Variants in METTL14 observed in about 807,000 individuals in gnomAD.
METTL14 encodes N(6)-adenosine-methyltransferase non-catalytic subunit METTL14.
METTL14 carries 32 observed loss-of-function variants against 62.4 expected under a neutral mutation model. The ratio of observed to expected loss-of-function variants is 0.51; its 90% CI spans 0.39 to 0.69. The LOEUF is 0.69. Ranked by LOEUF, METTL14 falls within the 30% of genes least tolerant of loss-of-function variation. METTL14 has a pLI of 0.00. For synonymous variants in METTL14, 150 were observed against 180.0 expected (o/e 0.83, Z 1.34); for missense variants, 340 against 551.9 (o/e 0.62, Z 3.85).
chr4:118,687,903 C>T lies in METTL14; in HGVS notation c.67-20C>T. ...TATCCAGTGCATTGCAATCTAATTT[C>T]TGATTTTGTCTTTTCTCAGTTGGGA... On this transcript the variant is annotated intron_variant, in intron 1 of 10. Coordinates refer to ENST00000388822, the MANE Select transcript of METTL14 (RefSeq NM_020961.4). 1 of 1,608,848 alleles carries T rather than the reference C, an allele frequency of 6.2e-7. No individual in the cohort carries two copies. Among genetic ancestry groups the T allele is most frequent in the African/African-American group, 1.3e-5 (1 of 74,706 alleles).
In METTL14 at chr4:118,705,716, A is replaced by G; in HGVS notation, c.961A>G (p.Ile321Val). 1 of 1,614,120 alleles carries G rather than the reference A, an allele frequency of 6.2e-7. No individual in the cohort carries two copies. The highest frequency in any genetic ancestry group is 8.5e-7 in the Non-Finnish European group (1 of 1,179,956). The change falls in exon 10 of 11, where the codon ATT becomes GTT. Residue 321 changes from isoleucine to valine, a missense_variant. This residue lies in a region of METTL14 where 62 missense variants were observed against 82.3 expected (regional missense o/e 0.75). Coordinates refer to ENST00000388822, the MANE Select transcript of METTL14 (RefSeq NM_020961.4). ...CTTAATTATCACAGAAGAACCTGAA[A>G]TTGGCAATATAGAAAAACCTGTAGA... is the stretch of plus-strand genomic sequence containing the variant. ...IDLIITEEPEIGNIEKPVEIF... is the reference protein window; with the variant it reads ...IDLIITEEPEVGNIEKPVEIF...
At position 118,689,648 on chromosome 4, in the gene METTL14, CT is replaced by C. The variant is rs70941199; in HGVS notation, c.243+204del. On this transcript the variant is annotated intron_variant, in intron 3 of 10. Coordinates refer to ENST00000388822, the MANE Select transcript of METTL14 (RefSeq NM_020961.4). ...TTTCTTATCTTTTTCTTTTCTTTTC[CT>C]TTTTTTTTTTTTGTGACGGAGTCTC... 2.2e-3 allele frequency among the ~76,000 whole-genome samples: 323 copies of C among 143,576 alleles called. 1 individual carries two copies. Among genetic ancestry groups the C allele is most frequent in the African/African-American group, 5.4e-3 (213 of 39,382 alleles). The allele number at this position is 143,576 out of a possible 152,430, so 94.2% of individuals were successfully genotyped here. A position where few individuals can be genotyped will look rare whatever the true frequency, so the allele number is the denominator to read the frequency against.
At position 118,711,588 on chromosome 4, in the gene METTL14, A is replaced by G. The variant is rs1375170165; in HGVS notation, c.*1286A>G. ...GCTCATATATACCTAAGATGAGATT[A>G]TATTACATCCACCAAAGACTCAGTT... is the stretch of plus-strand genomic sequence containing the variant. On this transcript the variant is annotated 3_prime_UTR_variant, in exon 11 of 11. Coordinates refer to ENST00000388822, the MANE Select transcript of METTL14 (RefSeq NM_020961.4). The G allele has an allele frequency of 6.6e-6, 1 of 152,196 alleles. No homozygotes were observed. The highest frequency in any genetic ancestry group is 1.5e-5 in the Non-Finnish European group (1 of 68,030). The allele number at this position is 152,196 out of a possible 1,614,324, so 9.4% of individuals were successfully genotyped here.
At chr4:118,703,202 C>T (rs1003669998) in intron 8 of METTL14, among the ~76,000 whole-genome samples, 3 of 152,024 alleles carry the variant, frequency 2.0e-5, no homozygotes, top group African/African-American at 7.2e-5. Context: ...CTCCTTTACT[C>T]TTAAAGTTGA....
rs1560874460 is a variant in METTL14, at chr4:118,685,401, C to T, written c.-134C>T. Reference sequence around the variant, plus strand: ...ATTCCGGCCGCGCCGGAAGTCTCTACTGAGGAAAGCTATGAGGATACTCTG... The same window carrying T: ...ATTCCGGCCGCGCCGGAAGTCTCTATTGAGGAAAGCTATGAGGATACTCTG... On this transcript the variant is annotated 5_prime_UTR_variant, in exon 1 of 11. Coordinates refer to ENST00000388822, the MANE Select transcript of METTL14 (RefSeq NM_020961.4). 3 of 895,092 alleles carry T rather than the reference C, an allele frequency of 3.4e-6. No individual in the cohort carries two copies. Among genetic ancestry groups the T allele is most frequent in the African/African-American group, 1.7e-5 (1 of 60,536 alleles). 55.4% of individuals were successfully genotyped at this position (895,092 alleles called of 1,614,324 possible).
chr4:118,705,151 T>C lies in METTL14; in HGVS notation c.856-460T>C, dbSNP rs553654558. Reference sequence around the variant, plus strand: ...ATGGCAGTCTTTCCTCATCCAGAGATCCAGGTTTTCCTGTTGTTTTGTTGC... The same window carrying C: ...ATGGCAGTCTTTCCTCATCCAGAGACCCAGGTTTTCCTGTTGTTTTGTTGC... On this transcript the variant is annotated intron_variant, in intron 9 of 10. Transcript: ENST00000388822. Among the ~76,000 whole-genome samples the C allele has an allele frequency of 2.6e-5, 4 of 152,166 alleles. No individual in the cohort carries two copies. The South Asian group carries it at 8.3e-4, about 32-fold the overall frequency.
At chr4:118,695,212 T>G (rs1371248236) in intron 6 of METTL14, among the ~76,000 whole-genome samples, 1 of 152,102 alleles carries the variant, frequency 6.6e-6, no homozygotes, top group African/African-American at 2.4e-5. Flanking sequence ...TTTCAGCTTT[T>G]CAGATAATTT....
Position 118,714,353 on chromosome 4 carries a change from T to C in METTL14, c.*4051T>C, listed in dbSNP as rs1331399176. ...GCCACTGACTCTTGGTCTCAGGCCA[T>C]AGCAACTATAGAGAGAAGAGTGGGG... On this transcript the variant is annotated 3_prime_UTR_variant, in exon 11 of 11. Coordinates refer to ENST00000388822, the MANE Select transcript of METTL14 (RefSeq NM_020961.4). 1 of 152,220 alleles carries C rather than the reference T, an allele frequency of 6.6e-6. No homozygotes were observed. The highest frequency in any genetic ancestry group is 1.9e-4 in the East Asian group (1 of 5,194). 9.4% of individuals were successfully genotyped at this position (152,220 alleles called of 1,614,324 possible).
At position 118,712,288 on chromosome 4, in the gene METTL14, T is replaced by C. The variant is rs1379626291; in HGVS notation, c.*1986T>C. The C allele has an allele frequency of 6.6e-6, 1 of 152,196 alleles. No homozygotes were observed. The highest frequency in any genetic ancestry group is 1.5e-5 in the Non-Finnish European group (1 of 68,030). The allele number at this position is 152,196 out of a possible 1,614,324, so 9.4% of individuals were successfully genotyped here. A position where few individuals can be genotyped will look rare whatever the true frequency, so the allele number is the denominator to read the frequency against. The stretch of plus-strand genomic sequence containing the variant: ...TACTCTGACCTCTTCTAATTTTTGG[T>C]CTTCTTTATATTTACATGTCTTACA... On this transcript the variant is annotated 3_prime_UTR_variant, in exon 11 of 11. Transcript: ENST00000388822.
Position 118,697,215 on chromosome 4 carries a change from C to T in METTL14, c.537C>T (p.Ile179=). 6.2e-7 allele frequency: 1 copy of T among 1,611,240 alleles called. No individual in the cohort carries two copies. Among genetic ancestry groups the T allele is most frequent in the Non-Finnish European group, 8.5e-7 (1 of 1,178,818 alleles). ...AAGCCGATATAGAAGCCTTTGACAT[C>T]AGAGAACTAACACCCAAATTTGATG... The part of the protein sequence containing the change: ...YLQADIEAFD[I]RELTPKFDVI... Residue 179 remains isoleucine (I), a synonymous_variant, in exon 7 of 11, where the codon ATC becomes ATT. Coordinates refer to ENST00000388822, the MANE Select transcript of METTL14 (RefSeq NM_020961.4).
intron 1 of METTL14, chr4:118,686,512 A>G (rs1724065470): frequency 2.4e-6 from 1 of 422,990 alleles, no homozygotes; most frequent in South Asian, 1.7e-5. Context: ...TAGTAAATGG[A>G]CTTCTGAAAC....
intron 1 of METTL14, among the ~76,000 whole-genome samples, chr4:118,686,991 A>G (rs1351806849): frequency 2.6e-5 from 4 of 152,234 alleles, no homozygotes; most frequent in South Asian, 2.1e-4. Context: ...CCTTGTGTCT[A>G]TAAATAGTAA....
chr4:118,698,783 T>C (rs931275006), intron 7 of METTL14, among the ~76,000 whole-genome samples: 5 of 152,098 alleles, frequency 3.3e-5, no homozygotes, highest in African/African-American at 1.2e-4. Context: ...TGTGAGACAT[T>C]CAAATGGAAG....
rs2110414469 is a variant in METTL14 at position 118,713,733 on chromosome 4, T to C, written c.*3431T>C. 6.6e-6 allele frequency: 1 copy of C among 152,338 alleles called. No homozygotes were observed. The highest frequency in any genetic ancestry group is 1.9e-4 in the East Asian group (1 of 5,188). 9.4% of individuals were successfully genotyped at this position (152,338 alleles called of 1,614,324 possible). A position where few individuals can be genotyped will look rare whatever the true frequency, so the allele number is the denominator to read the frequency against. On this transcript the variant is annotated 3_prime_UTR_variant, in exon 11 of 11. Coordinates refer to ENST00000388822, the MANE Select transcript of METTL14 (RefSeq NM_020961.4). ...AGGCTGAACTTTTCTTGTGTATATA[T>C]AGTTAGTTTTGAGGCCATAAATCTA... is the stretch of plus-strand genomic sequence containing the variant.
At chr4:118,689,346 G>A (rs760500815) in intron 2 of METTL14, 24 bp from the exon 3 acceptor site, 1 of 1,302,560 alleles carries the variant, frequency 7.7e-7, no homozygotes. Flanking sequence ...ATATTTATGG[G>A]TAATATTTCT....
chr4:118,691,003 G>A (rs928341971), intron 3 of METTL14, among the ~76,000 whole-genome samples: 2 of 151,960 alleles, frequency 1.3e-5, no homozygotes, highest in Admixed American at 6.6e-5. Flanking sequence ...AGAATGTATA[G>A]TTTCAATAAA....
In METTL14 at chr4:118,685,414, T is replaced by G. The variant is rs1027459395; in HGVS notation, c.-121T>G. On this transcript the variant is annotated 5_prime_UTR_variant, in exon 1 of 11. It removes an upstream start codon present in the reference 5' UTR. Transcript: ENST00000388822. ...CGGAAGTCTCTACTGAGGAAAGCTATGAGGATACTCTGTTCGTAAGCTCCC... is the reference window on the plus strand; with the variant it reads ...CGGAAGTCTCTACTGAGGAAAGCTAGGAGGATACTCTGTTCGTAAGCTCCC... 33 of 1,002,208 alleles carry G rather than the reference T, an allele frequency of 3.3e-5. No individual in the cohort carries two copies. The highest frequency in any genetic ancestry group is 5.0e-5 in the Non-Finnish European group (32 of 638,220). 62.1% of individuals were successfully genotyped at this position (1,002,208 alleles called of 1,614,324 possible). A position where few individuals can be genotyped will look rare whatever the true frequency, so the allele number is the denominator to read the frequency against.
intron 8 of METTL14, among the ~76,000 whole-genome samples, chr4:118,703,426 C>T (rs6836005): frequency 0.29 from 43,689 of 151,948 alleles, 7,191 homozygotes; most frequent in Non-Finnish European, 0.37. Context: ...AAGAGATACA[C>T]GTAACAATTT....
chr4:118,700,594 T>C lies in METTL14; in HGVS notation c.690T>C (p.Phe230=). 2.5e-6 allele frequency: 4 copies of C among 1,613,268 alleles called. No homozygotes were observed. The highest frequency in any genetic ancestry group is 3.4e-6 in the Non-Finnish European group (4 of 1,179,448). ...EIDEIAAPRS[F]IFLWCGSGEG... is the part of the protein sequence containing the mutation. The stretch of plus-strand genomic sequence containing the variant: ...ATGAGATTGCAGCACCTCGATCATT[T>C]ATTTTTCTCTGGTGTGGTTCTGGGG... Residue 230 remains phenylalanine (F), a synonymous_variant, in exon 8 of 11, where the codon TTT becomes TTC. Coordinates refer to ENST00000388822, the MANE Select transcript of METTL14 (RefSeq NM_020961.4).
Sources: gnomAD v4.1 joint callset for allele counts (sites outside exome capture counted in the v4.1 genomes callset) on GRCh38, gnomAD v4.1.1 for gene constraint, gnomAD v4.1.1 regional missense constraint, MANE v1.5 for transcripts, NCBI Gene and HGNC (gene_info 2026-07-23, HGNC 2026-07-21) for gene names.